Variants in ADARB2 observed in about 807,000 individuals in gnomAD.
The protein encoded by ADARB2 is inactive double-stranded RNA-specific editase B2.
Under a neutral mutation model 62.2 loss-of-function variants are expected in ADARB2, and 25 were observed. The observed-to-expected ratio is 0.40, with a 90% CI of 0.29 to 0.56. The LOEUF (loss-of-function observed/expected upper bound fraction) is 0.56. Ranked by LOEUF, ADARB2 falls within the 20% of genes least tolerant of loss-of-function variation. ADARB2 has a pLI of 0.43. For synonymous variants in ADARB2, 572 were observed against 500.8 expected (o/e 1.14, Z -1.90); for missense variants, 1,071 against 1,077.4 (o/e 0.99, Z 0.08).
At chr10:1,466,563 G>A (rs1181200068) in intron 1 of ADARB2, among the ~76,000 whole-genome samples, 6 of 152,144 alleles carry the variant, frequency 3.9e-5, no homozygotes, top group South Asian at 2.1e-4. Flanking sequence ...GTGGCTAGGC[G>A]GACACACAGC....
intron 1 of ADARB2, among the ~76,000 whole-genome samples, chr10:1,568,377 C>T (rs1004755104): frequency 1.3e-5 from 2 of 152,198 alleles, no homozygotes; most frequent in African/African-American, 2.4e-5. Flanking sequence ...GGGGCCTCAG[C>T]GAACACACGG....
chr10:1,263,085 A>G (rs1408832869), intron 4 of ADARB2, among the ~76,000 whole-genome samples: 1 of 137,962 alleles, frequency 7.2e-6, no homozygotes, highest in Non-Finnish European at 1.5e-5. Flanking sequence ...GAACAATGAG[A>G]TCACATGGAC....
chr10:1,532,867 C>T (rs764693539), intron 1 of ADARB2, among the ~76,000 whole-genome samples: 30 of 152,260 alleles, frequency 2.0e-4, no homozygotes, highest in Non-Finnish European at 3.4e-4. Context: ...GAACTTAAAT[C>T]TTGATAATGA....
At chr10:1,550,528 C>T (rs73586283) in intron 1 of ADARB2, among the ~76,000 whole-genome samples, 210 of 152,298 alleles carry the variant, frequency 1.4e-3, no homozygotes, top group African/African-American at 4.6e-3. Context: ...TGATGAAAGC[C>T]GATGGCCCAC....
intron 1 of ADARB2, among the ~76,000 whole-genome samples, chr10:1,411,884 A>T (rs921225148): frequency 6.6e-6 from 1 of 152,230 alleles, no homozygotes; most frequent in Non-Finnish European, 1.5e-5. Flanking sequence ...TTTGAAAGAC[A>T]TTGCTTTCAG....
At position 1,499,401 on chromosome 10, in the gene ADARB2, C is replaced by A. The variant is rs527296952; in HGVS notation, c.101-120241G>T. ...TTACTTACCCATGTATCAGTCATTA[C>A]TCATTCATCACTCACTCAACACTCT... On this transcript the variant is annotated intron_variant, in intron 1 of 9. Transcript: ENST00000381312. Among the ~76,000 whole-genome samples the A allele has an allele frequency of 2.0e-5, 3 of 152,090 alleles. No homozygotes were observed. In the South Asian group the frequency reaches 6.3e-4, roughly 32 times the overall value.
At chr10:1,338,766 A>C (rs1831996469) in intron 3 of ADARB2, among the ~76,000 whole-genome samples, 1 of 152,176 alleles carries the variant, frequency 6.6e-6, no homozygotes, top group African/African-American at 2.4e-5. Context: ...AGGCTGAAAG[A>C]AGACAAATCT....
chr10:1,296,410 G>C (rs956630430), intron 3 of ADARB2, among the ~76,000 whole-genome samples: 1 of 152,152 alleles, frequency 6.6e-6, no homozygotes, highest in Non-Finnish European at 1.5e-5. Flanking sequence ...CCCCATTATC[G>C]GAGGACAGGA....
chr10:1,550,479 T>G (rs915004125), intron 1 of ADARB2, among the ~76,000 whole-genome samples: 2 of 152,194 alleles, frequency 1.3e-5, no homozygotes, highest in Non-Finnish European at 2.9e-5. Flanking sequence ...CCAACGAATA[T>G]GAGTCAACAC....
At chr10:1,402,424 G>GA (rs1432622351) in intron 1 of ADARB2, among the ~76,000 whole-genome samples, 2 of 152,154 alleles carry the variant, frequency 1.3e-5, no homozygotes, top group Admixed American at 6.5e-5. Flanking sequence ...GTTTCACTGA[G>GA]AAAAAATGCT....
At position 1,347,689 on chromosome 10, in the gene ADARB2, T is replaced by C. The variant is rs11250437; in HGVS notation, c.1077+15339A>G. 9.6e-4 allele frequency among the ~76,000 whole-genome samples: 146 copies of C among 152,088 alleles called. 5 individuals are homozygous for C. The East Asian group carries it at 0.028, about 29-fold the overall frequency. On this transcript the variant is annotated intron_variant, in intron 3 of 9. Coordinates refer to ENST00000381312, the MANE Select transcript of ADARB2 (RefSeq NM_018702.4). ...ACCACGGGTGCCTCGACCCGGCTGG[T>C]GCACAAGGAGCACAGCCATCAACGC...
At position 1,274,420 on chromosome 10, in the gene ADARB2, G is replaced by A. The variant is rs146854973; in HGVS notation, c.1078-3351C>T. Among the ~76,000 whole-genome samples the A allele has an allele frequency of 1.8e-4, 28 of 152,308 alleles. No homozygotes were observed. In the East Asian group the frequency reaches 2.1e-3, roughly 12 times the overall value. On this transcript the variant is annotated intron_variant, in intron 3 of 9. Transcript: ENST00000381312. ...TGCCAGGCATCTGATTCCAGCACAC[G>A]CTGTGCTCCAGAGTTATTCCCAATG...
At chr10:1,692,869 T>A (rs984033792) in intron 1 of ADARB2, among the ~76,000 whole-genome samples, 6 of 152,198 alleles carry the variant, frequency 3.9e-5, no homozygotes, top group African/African-American at 1.4e-4. Context: ...TTAGACTATT[T>A]TAGTTAGCAT....
chr10:1,310,985 A>G (rs886915982), intron 3 of ADARB2, among the ~76,000 whole-genome samples: 8 of 152,238 alleles, frequency 5.3e-5, no homozygotes, highest in African/African-American at 1.9e-4. Context: ...GATTATTCAC[A>G]TGATGTTGCC....
At chr10:1,312,241 C>CAGT (rs1272604995) in intron 3 of ADARB2, among the ~76,000 whole-genome samples, 1 of 152,128 alleles carries the variant, frequency 6.6e-6, no homozygotes, top group African/African-American at 2.4e-5. Flanking sequence ...ACCAGAGATG[C>CAGT]AGTGGGGGAT....
intron 3 of ADARB2, among the ~76,000 whole-genome samples, chr10:1,314,895 A>G (rs1831724049): frequency 6.6e-6 from 1 of 152,104 alleles, no homozygotes; most frequent in African/African-American, 2.4e-5. Context: ...TAGATATTTC[A>G]CTGTTGGTGC....
intron 1 of ADARB2, among the ~76,000 whole-genome samples, chr10:1,450,777 C>T (rs928110414): frequency 6.6e-6 from 1 of 152,196 alleles, no homozygotes; most frequent in Non-Finnish European, 1.5e-5. Flanking sequence ...TTGGGGGCTG[C>T]AGGAGCATGC....
At chr10:1,548,148 C>T (rs1158724740) in intron 1 of ADARB2, among the ~76,000 whole-genome samples, 1 of 152,150 alleles carries the variant, frequency 6.6e-6, no homozygotes, top group Non-Finnish European at 1.5e-5. Context: ...TGAACTTTCC[C>T]AGCTGAACCT....
intron 1 of ADARB2, among the ~76,000 whole-genome samples, chr10:1,677,529 C>G (rs12763765): frequency 0.19 from 28,205 of 151,936 alleles, 2,739 homozygotes; most frequent in Non-Finnish European, 0.22. Context: ...AATGGGACCT[C>G]CTAGGAAGAA....
Sources: gnomAD v4.1 joint callset for allele counts (sites outside exome capture counted in the v4.1 genomes callset) on GRCh38, gnomAD v4.1.1 for gene constraint, MANE v1.5 for transcripts, NCBI Gene and HGNC (gene_info 2026-07-23, HGNC 2026-07-21) for gene names.